The following PAPOLA variants were observed in gnomAD, a reference collection of about 807,000 sequenced individuals.
PAPOLA encodes the protein polynucleotide adenylyltransferase alpha.
PAPOLA carries 15 observed loss-of-function variants against 100.6 expected under a neutral mutation model. The ratio of observed to expected loss-of-function variants is 0.15; its 90% CI spans 0.10 to 0.23. The LOEUF is 0.23. Among genes scored for constraint, PAPOLA ranks in the 10% least tolerant of loss-of-function variants. The pLI, the probability that PAPOLA is intolerant of heterozygous loss-of-function variation, is 1.00. For missense variants in PAPOLA, 533 were observed against 884.2 expected (o/e 0.60, Z 5.04); for synonymous variants, 293 against 300.0 (o/e 0.98, Z 0.24).
chr14:96,502,500 C>T lies in PAPOLA; in HGVS notation c.-93C>T, dbSNP rs1896345361. On this transcript the variant is annotated 5_prime_UTR_variant, in exon 1 of 22. Transcript: ENST00000216277. ...TTGGACCCAGGGCTGAGGCAGGCCCCCCCCTCCCTCCCGCCTCAGTGGATC... is the reference window on the plus strand; with the variant it reads ...TTGGACCCAGGGCTGAGGCAGGCCCTCCCCTCCCTCCCGCCTCAGTGGATC... 1.0e-6 allele frequency: 1 copy of T among 1,004,302 alleles called. No individual in the cohort carries two copies. The highest frequency in any genetic ancestry group is 1.5e-6 in the Non-Finnish European group (1 of 670,470). 62.2% of individuals were successfully genotyped at this position (1,004,302 alleles called of 1,614,324 possible).
In PAPOLA at chr14:96,532,399, G is replaced by A. The variant is rs774122603; in HGVS notation, c.676G>A (p.Ala226Thr). The A allele has an allele frequency of 1.2e-6, 2 of 1,613,146 alleles. No homozygotes were observed. The highest frequency in any genetic ancestry group is 1.7e-5 in the Admixed American group (1 of 59,882). The change falls in exon 8 of 22, where the codon GCT becomes ACT. Residue 226 changes from alanine to threonine, a missense_variant. By Grantham distance (58) the Ala-to-Thr change is moderately conservative. Coordinates refer to ENST00000216277, the MANE Select transcript of PAPOLA (RefSeq NM_032632.5). ...NIDNFRLTLR[A>T]IKLWAKRHNI... ...TGACAACTTCAGGTTAACTCTGAGA[G>A]CTATCAAACTATGGGCCAAACGTGA...
At chr14:96,524,149 A>G (rs1327099342) in intron 3 of PAPOLA, among the ~76,000 whole-genome samples, 1 of 151,840 alleles carries the variant, frequency 6.6e-6, no homozygotes, top group Non-Finnish European at 1.5e-5. Context: ...TTTGGTACTG[A>G]ATAGATATTT....
intron 11 of PAPOLA, 87 bp downstream of exon 11, chr14:96,536,086 G>T: frequency 1.0e-6 from 1 of 990,540 alleles, no homozygotes; most frequent in South Asian, 3.6e-5. Flanking sequence ...AACTTAAATT[G>T]AAGAAGGATT....
At chr14:96,537,623 A>G (rs1899647620) in intron 12 of PAPOLA, 1 of 153,288 alleles carries the variant, frequency 6.5e-6, no homozygotes, top group African/African-American at 2.4e-5. Flanking sequence ...AATGGTTTAA[A>G]TATAATGGTT....
intron 1 of PAPOLA, among the ~76,000 whole-genome samples, chr14:96,516,302 A>G (rs372881992): frequency 7.2e-5 from 11 of 152,112 alleles, no homozygotes; most frequent in South Asian, 4.1e-4. Flanking sequence ...TGGTAGGTCT[A>G]TGTTAACGTA....
At position 96,565,862 on chromosome 14, in the gene PAPOLA, T is replaced by TC; in HGVS notation, c.*816dup. 1 of 398,606 alleles carries TC rather than the reference T, an allele frequency of 2.5e-6. No homozygotes were observed. Among genetic ancestry groups the TC allele is most frequent in the Non-Finnish European group, 4.4e-6 (1 of 225,806 alleles). 24.7% of individuals were successfully genotyped at this position (398,606 alleles called of 1,614,324 possible). On this transcript the variant is annotated 3_prime_UTR_variant, in exon 22 of 22. Coordinates refer to ENST00000216277, the MANE Select transcript of PAPOLA (RefSeq NM_032632.5). ...AAAAAAAGCTTCTTGCGCCTTTCCC[T>TC]CCCCTGTTTTCTTCCTTTTTCTTTT... is the stretch of plus-strand genomic sequence containing the variant.
intron 15 of PAPOLA, among the ~76,000 whole-genome samples, chr14:96,546,701 G>A (rs145786637): frequency 6.6e-6 from 1 of 152,240 alleles, no homozygotes; most frequent in Non-Finnish European, 1.5e-5. Context: ...TATAGCCATA[G>A]CCACAAATAG....
intron 1 of PAPOLA, among the ~76,000 whole-genome samples, chr14:96,507,280 G>GTTTTGT (rs1896782695): frequency 1.2e-5 from 1 of 80,722 alleles, no homozygotes; most frequent in African/African-American, 5.7e-5. Context: ...TTGGAAAATA[G>GTTTTGT]TTTTTTTTTT....
intron 21 of PAPOLA, 70 bp downstream of exon 21, chr14:96,562,963 G>C: frequency 1.2e-6 from 1 of 867,850 alleles, no homozygotes; most frequent in South Asian, 1.4e-5. Context: ...TTGAATTAAA[G>C]TGAGAGTTCA....
intron 10 of PAPOLA, 132 bp downstream of exon 10, chr14:96,534,695 A>G: frequency 6.7e-7 from 1 of 1,501,026 alleles, no homozygotes; most frequent in Non-Finnish European, 8.9e-7. Context: ...TTTCTTTTAG[A>G]TAACCTCAAC....
At chr14:96,543,001 T>C (rs1900117220) in intron 14 of PAPOLA, 108 bp downstream of exon 14, 2 of 1,105,774 alleles carry the variant, frequency 1.8e-6, no homozygotes, top group East Asian at 2.5e-5. Flanking sequence ...TGACTACATA[T>C]GGCTTATAGA....
chr14:96,505,937 C>G (rs1392965898), intron 1 of PAPOLA, among the ~76,000 whole-genome samples: 1 of 152,070 alleles, frequency 6.6e-6, no homozygotes, highest in African/African-American at 2.4e-5. Context: ...CGGAGTCTTG[C>G]TCTGTCGCCG....
At chr14:96,550,933 A>G (rs769859929) in intron 16 of PAPOLA, among the ~76,000 whole-genome samples, 2 of 152,172 alleles carry the variant, frequency 1.3e-5, no homozygotes, top group Admixed American at 6.5e-5. Context: ...ACCCATGGGT[A>G]TTGTCTTTAG....
intron 12 of PAPOLA, among the ~76,000 whole-genome samples, chr14:96,540,768 T>C (rs1177828197): frequency 6.6e-6 from 1 of 152,232 alleles, no homozygotes; most frequent in African/African-American, 2.4e-5. Context: ...TCAAGTTAAC[T>C]CCATTGAACT....
intron 1 of PAPOLA, among the ~76,000 whole-genome samples, chr14:96,513,154 C>T (rs906230142): frequency 2.0e-5 from 3 of 152,180 alleles, no homozygotes; most frequent in Non-Finnish European, 2.9e-5. Context: ...GCCTCAGCTT[C>T]CTGGGCTCAA....
chr14:96,552,862 A>G, intron 17 of PAPOLA: 1 of 471,310 alleles, frequency 2.1e-6, no homozygotes, highest in Non-Finnish European at 3.8e-6. Context: ...AATGAATGTT[A>G]GCACATAACC....
chr14:96,531,717 T>C (rs1345299031), intron 7 of PAPOLA, 131 bp downstream of exon 7: 2 of 1,510,028 alleles, frequency 1.3e-6, no homozygotes, highest in South Asian at 2.5e-5. Flanking sequence ...AAAATGAACT[T>C]TGCCTAATAA....
intron 17 of PAPOLA, chr14:96,553,226 T>C (rs1472957762): frequency 6.6e-6 from 1 of 151,970 alleles, no homozygotes; most frequent in Non-Finnish European, 1.5e-5. Context: ...CAGTGAAAAA[T>C]TTTCAGCCAG....
At chr14:96,555,214 C>CT (rs555186990) in intron 17 of PAPOLA, among the ~76,000 whole-genome samples, 15,533 of 131,004 alleles carry the variant, frequency 0.12, 960 homozygotes, top group South Asian at 0.18. Context: ...TCATTCATAA[C>CT]TTTTTTTTTT....
Sources: gnomAD v4.1 joint callset for allele counts (sites outside exome capture counted in the v4.1 genomes callset) on GRCh38, gnomAD v4.1.1 for gene constraint, MANE v1.5 for transcripts, NCBI Gene and HGNC (gene_info 2026-07-23, HGNC 2026-07-21) for gene names.